Variants in DUSP28 observed in about 807,000 individuals in gnomAD.
DUSP28 encodes dual specificity phosphatase 28.
A neutral mutation model predicts 8.4 loss-of-function variants in DUSP28; 11 were observed. That is an observed-to-expected ratio of 1.31 (90% confidence interval 0.83 to 2.17). DUSP28 has a LOEUF of 2.17. Ranked by LOEUF, DUSP28 falls within the 30% of genes most tolerant of loss-of-function variation. The pLI, the probability that DUSP28 is intolerant of heterozygous loss-of-function variation, is 0.00. For missense variants in DUSP28, 373 were observed against 270.4 expected (o/e 1.38, Z -2.66); for synonymous variants, 178 against 130.9 (o/e 1.36, Z -2.46).
rs1055928799 is a variant in DUSP28 at position 240,563,899 on chromosome 2, A to G, written c.*2432A>G. ...GTCTGCCATGTCATTTATGATGTAT[A>G]TAACCTCTTTAATGCCTGAAATCAT... On this transcript the variant is annotated 3_prime_UTR_variant, in exon 2 of 2. Coordinates refer to ENST00000405954, the MANE Select transcript of DUSP28 (RefSeq NM_001370465.2). 8 of 152,372 alleles carry G rather than the reference A, an allele frequency of 5.3e-5. No individual in the cohort carries two copies. Among genetic ancestry groups the G allele is most frequent in the African/African-American group, 1.7e-4 (7 of 41,458 alleles). 9.4% of individuals were successfully genotyped at this position (152,372 alleles called of 1,614,324 possible).
chr2:240,560,546 G>A lies in DUSP28; in HGVS notation c.-139G>A. 1 of 1,228,238 alleles carries A rather than the reference G, an allele frequency of 8.1e-7. No individual in the cohort carries two copies. Among genetic ancestry groups the A allele is most frequent in the Non-Finnish European group, 1.0e-6 (1 of 961,300 alleles). The allele number at this position is 1,228,238 out of a possible 1,614,324, so 76.1% of individuals were successfully genotyped here. A position where few individuals can be genotyped will look rare whatever the true frequency, so the allele number is the denominator to read the frequency against. ...GCGCCCGCGGGGGACCCAAGCCCCA[G>A]CCTGGTCCACCTCGGAGGCCTCTAG... On this transcript the variant is annotated 5_prime_UTR_variant, in exon 1 of 2. Coordinates refer to ENST00000405954, the MANE Select transcript of DUSP28 (RefSeq NM_001370465.2).
Position 240,561,747 on chromosome 2 carries a change from G to T in DUSP28, c.*280G>T. The stretch of plus-strand genomic sequence containing the variant: ...GAATCTTGAGTGTTTGGGGGTGCCG[G>T]CGCATTCTACCAGTCTCAGGGAAGG... On this transcript the variant is annotated 3_prime_UTR_variant, in exon 2 of 2. Transcript: ENST00000405954. 1 of 398,278 alleles carries T rather than the reference G, an allele frequency of 2.5e-6. No homozygotes were observed. The highest frequency in any genetic ancestry group is 5.2e-5 in the East Asian group (1 of 19,342). The allele number at this position is 398,278 out of a possible 1,614,324, so 24.7% of individuals were successfully genotyped here. A position where few individuals can be genotyped will look rare whatever the true frequency, so the allele number is the denominator to read the frequency against.
chr2:240,561,233 C>T (rs1304149696), intron 1 of DUSP28, 97 bp from the exon 2 acceptor site: 5 of 1,588,314 alleles, frequency 3.1e-6, no homozygotes, highest in African/African-American at 2.7e-5. Flanking sequence ...GAGGCACTTC[C>T]GGGTTGGGCG....
At position 240,561,564 on chromosome 2, in the gene DUSP28, T is replaced by TTGTGTG; in HGVS notation, c.*108_*113dup. 3 of 1,429,338 alleles carry TTGTGTG rather than the reference T, an allele frequency of 2.1e-6. No individual in the cohort carries two copies. Among genetic ancestry groups the TTGTGTG allele is most frequent in the Non-Finnish European group, 2.8e-6 (3 of 1,080,430 alleles). 88.5% of individuals were successfully genotyped at this position (1,429,338 alleles called of 1,614,324 possible). On this transcript the variant is annotated 3_prime_UTR_variant, in exon 2 of 2. Coordinates refer to ENST00000405954, the MANE Select transcript of DUSP28 (RefSeq NM_001370465.2). ...CCTCACTGTCATATCGAGTTTTCCT[T>TTGTGTG]TGTGTGTGTGTGTGTGAAACATAGT...
In DUSP28 at chr2:240,564,471, A is replaced by G. The variant is rs910093730; in HGVS notation, c.*3004A>G. 5.9e-5 allele frequency among the ~76,000 whole-genome samples: 9 copies of G among 152,224 alleles called. No individual in the cohort carries two copies. Among genetic ancestry groups the G allele is most frequent in the Non-Finnish European group, 1.0e-4 (7 of 68,040 alleles). On this transcript the variant is annotated 3_prime_UTR_variant, in exon 2 of 2. Transcript: ENST00000405954. ...GGCAAGGGTCTGCGCATCAGACCAC[A>G]TGGACCCCTGCACCACCATCTGCTC...
At chr2:240,561,193 C>T in intron 1 of DUSP28, 116 bp downstream of exon 1, 1 of 1,507,364 alleles carries the variant, frequency 6.6e-7, no homozygotes, top group Non-Finnish European at 8.8e-7. Context: ...GGGCGGGTCT[C>T]TCTCGTGAGG....
At position 240,560,581 on chromosome 2, in the gene DUSP28, G is replaced by GCGCCCGGCGGCC. The variant is rs1193919975; in HGVS notation, c.-95_-84dup. ...CCTCGGAGGCCTCTAGGACCCGGGG[G>GCGCCCGGCGGCC]CGCCCGGCGGCCCGCCCGGCTCCCA... On this transcript the variant is annotated 5_prime_UTR_variant, in exon 1 of 2. Transcript: ENST00000405954. The GCGCCCGGCGGCC allele has an allele frequency of 3.3e-5, 44 of 1,318,244 alleles. No homozygotes were observed. The African/African-American group carries it at 5.4e-4, about 16-fold the overall frequency. 81.7% of individuals were successfully genotyped at this position (1,318,244 alleles called of 1,614,324 possible).
chr2:240,564,945 G>A lies in DUSP28; in HGVS notation c.*3478G>A, dbSNP rs1302163412. ...TCACCAACATTGCACCCCAACTTAA[G>A]GTCACATAGCTACTGTCAAGCCAAC... On this transcript the variant is annotated 3_prime_UTR_variant, in exon 2 of 2. Transcript: ENST00000405954. Among the ~76,000 whole-genome samples, 15 of 152,254 alleles carry A rather than the reference G, an allele frequency of 9.9e-5. No individual in the cohort carries two copies. The East Asian group carries it at 2.7e-3, about 27-fold the overall frequency.
At chr2:240,561,121 C>T (rs760226423) in intron 1 of DUSP28, 44 bp downstream of exon 1, 26 of 1,456,388 alleles carry the variant, frequency 1.8e-5, no homozygotes, top group Non-Finnish European at 2.0e-5. Flanking sequence ...AGGGGCGTGT[C>T]TTCCGGGGAC....
In DUSP28 at chr2:240,560,769, G is replaced by C. The variant is rs553554660; in HGVS notation, c.85G>C (p.Gly29Arg). ...GCGCGTCGCGCCCTCACTCTTCCTC[G>C]GGAGCGCGCGAGCCGCGGGCGCGGA... ...LVRVAPSLFLGSARAAGAEEQ... is the reference protein window; with the variant it reads ...LVRVAPSLFLRSARAAGAEEQ... Residue 29 changes from glycine (G) to arginine (R), a missense_variant, in exon 1 of 2, where the codon GGG becomes CGG. By Grantham distance (125) the Gly-to-Arg change is moderately radical (BLOSUM62 -2). Coordinates refer to ENST00000405954, the MANE Select transcript of DUSP28 (RefSeq NM_001370465.2). 71 of 1,467,188 alleles carry C rather than the reference G, an allele frequency of 4.8e-5. No individual in the cohort carries two copies. The African/African-American group carries it at 9.9e-4, about 20-fold the overall frequency. 90.9% of individuals were successfully genotyped at this position (1,467,188 alleles called of 1,614,324 possible).
rs1229445183 is a variant in DUSP28, at chr2:240,562,417, A to G, written c.*950A>G. ...TTCTATTACTAGAGAACTCCAGGAC[A>G]TTAAGAATTTCAAAAGTGATTTTTT... On this transcript the variant is annotated 3_prime_UTR_variant, in exon 2 of 2. Transcript: ENST00000405954. 1 of 152,234 alleles carries G rather than the reference A, an allele frequency of 6.6e-6. No homozygotes were observed. 9.4% of individuals were successfully genotyped at this position (152,234 alleles called of 1,614,324 possible). A position where few individuals can be genotyped will look rare whatever the true frequency, so the allele number is the denominator to read the frequency against.
At position 240,560,935 on chromosome 2, in the gene DUSP28, C is replaced by T; in HGVS notation, c.251C>T (p.Pro84Leu). The change falls in exon 1 of 2, where the codon CCC becomes CTC. Residue 84 changes from proline to leucine, a missense_variant. Pro to Leu is a moderately conservative substitution (Grantham distance 98). Coordinates refer to ENST00000405954, the MANE Select transcript of DUSP28 (RefSeq NM_001370465.2). Reference sequence around the variant, plus strand: ...GAGGACCTGCTGGCGCACCTGGAGCCCACGTGCGCCGCCATGGAGGCCGCG... The same window carrying T: ...GAGGACCTGCTGGCGCACCTGGAGCTCACGTGCGCCGCCATGGAGGCCGCG... ...PAEDLLAHLE[P>L]TCAAMEAAVR... 2.0e-6 allele frequency: 3 copies of T among 1,537,426 alleles called. No homozygotes were observed. Among genetic ancestry groups the T allele is most frequent in the Non-Finnish European group, 2.6e-6 (3 of 1,155,270 alleles).
At position 240,561,426 on chromosome 2, in the gene DUSP28, CAGGG is replaced by C. The variant is rs1276279200; in HGVS notation, c.493_496del (p.Gly165SerfsTer5). 6.2e-7 allele frequency: 1 copy of C among 1,613,720 alleles called. No individual in the cohort carries two copies. ...GGCCCTCCAGGCCCAGTCCTGCCTG[CAGGG>C]AGAGCCCCCAGCCTTAGGGTTGGGC... On this transcript the variant is annotated frameshift_variant, in exon 2 of 2. Transcript: ENST00000405954. LOFTEE classifies it low-confidence loss of function (END_TRUNC).
In DUSP28 at chr2:240,561,622, G is replaced by T. The variant is rs1209730914; in HGVS notation, c.*155G>T. ...ATTTTATATTTCCGGCTGAGGTGAT[G>T]CACAAATTATCTTACAGACACAAAA... On this transcript the variant is annotated 3_prime_UTR_variant, in exon 2 of 2. Transcript: ENST00000405954. 9.9e-7 allele frequency: 1 copy of T among 1,011,146 alleles called. No homozygotes were observed. The highest frequency in any genetic ancestry group is 1.3e-6 in the Non-Finnish European group (1 of 742,146). The allele number at this position is 1,011,146 out of a possible 1,614,324, so 62.6% of individuals were successfully genotyped here.
chr2:240,560,167 G>T (rs1347951073), upstream of DUSP28: 1 of 152,892 alleles, frequency 6.5e-6, no homozygotes, highest in Non-Finnish European at 1.5e-5. Flanking sequence ...AGGAATAAAC[G>T]TAAAGCCGAC....
chr2:240,560,720 C>T lies in DUSP28; in HGVS notation c.36C>T (p.Ala12=). The T allele has an allele frequency of 2.0e-6, 3 of 1,525,698 alleles. No individual in the cohort carries two copies. The highest frequency in any genetic ancestry group is 2.6e-6 in the Non-Finnish European group (3 of 1,148,626). 94.5% of individuals were successfully genotyped at this position (1,525,698 alleles called of 1,614,324 possible). A position where few individuals can be genotyped will look rare whatever the true frequency, so the allele number is the denominator to read the frequency against. Reference sequence around the variant, plus strand: ...CAGAAGCTGGGCGCCGCGGGGCCGCCTCGCCCGTACCTCCACCGTTGGTGC... The same window carrying T: ...CAGAAGCTGGGCGCCGCGGGGCCGCTTCGCCCGTACCTCCACCGTTGGTGC... ...GPAEAGRRGA[A]SPVPPPLVRV... Residue 12 remains alanine, a synonymous_variant, in exon 1 of 2, where the codon GCC becomes GCT. Transcript: ENST00000405954.
At position 240,562,691 on chromosome 2, in the gene DUSP28, G is replaced by C. The variant is rs2092986313; in HGVS notation, c.*1224G>C. 1 of 152,166 alleles carries C rather than the reference G, an allele frequency of 6.6e-6. No homozygotes were observed. Among genetic ancestry groups the C allele is most frequent in the South Asian group, 2.1e-4 (1 of 4,830 alleles). 9.4% of individuals were successfully genotyped at this position (152,166 alleles called of 1,614,324 possible). On this transcript the variant is annotated 3_prime_UTR_variant, in exon 2 of 2. Coordinates refer to ENST00000405954, the MANE Select transcript of DUSP28 (RefSeq NM_001370465.2). ...TTAAAATATCAGGGCTCGGATGGAA[G>C]GTGTTGCACCATAAATGACACCTGC...
rs2092996284 is a variant in DUSP28 at position 240,564,481 on chromosome 2, GCAC to G, written c.*3020_*3022del. Among the ~76,000 whole-genome samples the G allele has an allele frequency of 6.6e-6, 1 of 152,232 alleles. No individual in the cohort carries two copies. Among genetic ancestry groups the G allele is most frequent in the Admixed American group, 6.5e-5 (1 of 15,282 alleles). On this transcript the variant is annotated 3_prime_UTR_variant, in exon 2 of 2. Transcript: ENST00000405954. Reference sequence around the variant, plus strand: ...TGCGCATCAGACCACATGGACCCCTGCACCACCATCTGCTCCGTCCTCTCCCTC... The same window carrying G: ...TGCGCATCAGACCACATGGACCCCTGCACCATCTGCTCCGTCCTCTCCCTC...
chr2:240,561,139 C>T, intron 1 of DUSP28, 62 bp downstream of exon 1: 1 of 1,453,796 alleles, frequency 6.9e-7, no homozygotes, highest in Non-Finnish European at 9.0e-7. Context: ...GACGAGTTTT[C>T]CGGGCGGGGC....
Sources: allele counts gnomAD v4.1 joint callset (sites outside exome capture counted in the v4.1 genomes callset), GRCh38; gene constraint gnomAD v4.1.1; transcripts MANE v1.5; gene names NCBI Gene and HGNC (gene_info 2026-07-23, HGNC 2026-07-21).